Variants in STX6 observed in about 807,000 individuals in gnomAD.
STX6 encodes syntaxin 6.
In STX6, 23 loss-of-function variants were observed where a neutral mutation model predicts 38.0. The ratio of observed to expected loss-of-function variants is 0.60; its 90% CI spans 0.43 to 0.86. The LOEUF (loss-of-function observed/expected upper bound fraction) is 0.86. Ranked by LOEUF, STX6 falls within the 40% of genes least tolerant of loss-of-function variation. STX6 has a pLI of 0.00. For synonymous variants in STX6, 123 were observed against 107.5 expected, an observed-to-expected ratio of 1.14 and a Z score of -0.89; for missense variants, 274 against 312.9, an observed-to-expected ratio of 0.88 and a Z score of 0.94.
intron 1 of STX6, among the ~76,000 whole-genome samples, chr1:181,016,901 A>T (rs894645164): frequency 3.3e-5 from 5 of 151,624 alleles, no homozygotes; most frequent in African/African-American, 9.7e-5. Flanking sequence ...AGCCTGGTAA[A>T]CACAGTGAAA....
At position 181,005,319 on chromosome 1, in the gene STX6, A is replaced by G. The variant is rs887801220; in HGVS notation, c.180T>C (p.Asp60=). 1 of 1,614,060 alleles carries G rather than the reference A, an allele frequency of 6.2e-7. No homozygotes were observed. The highest frequency in any genetic ancestry group is 8.5e-7 in the Non-Finnish European group (1 of 1,179,952). The change falls in exon 2 of 8, where the codon GAT becomes GAC. Residue 60 remains aspartate (D), a synonymous_variant. Transcript: ENST00000258301. The part of the protein sequence containing the change: ...LRNNLRSIEW[D]LEDLDETISI... The stretch of plus-strand genomic sequence containing the variant: ...TGATGGTTTCATCAAGGTCCTCTAG[A>G]TCCCACTCTATGCTCCGGAGGTTAT...
chr1:180,982,921 T>C (rs1655456815), intron 7 of STX6, among the ~76,000 whole-genome samples: 1 of 152,212 alleles, frequency 6.6e-6, no homozygotes, highest in Non-Finnish European at 1.5e-5. Context: ...GAAACAAAGA[T>C]ACTTGTCCCT....
intron 1 of STX6, among the ~76,000 whole-genome samples, chr1:181,021,248 C>T (rs1001454167): frequency 2.6e-5 from 4 of 152,148 alleles, no homozygotes; most frequent in African/African-American, 9.7e-5. Flanking sequence ...TAAGAACTTT[C>T]AATCAAGGAA....
At chr1:181,000,838 ACGTCTAT>A (rs1656059289) in intron 3 of STX6, among the ~76,000 whole-genome samples, 1 of 151,258 alleles carries the variant, frequency 6.6e-6, no homozygotes, top group Admixed American at 6.6e-5. Context: ...TTAAATATTA[ACGTCTAT>A]AGGAGTATCC....
chr1:180,975,351 G>C lies in STX6; in HGVS notation c.*1219C>G, dbSNP rs1477326392. On this transcript the variant is annotated 3_prime_UTR_variant, in exon 8 of 8. Transcript: ENST00000258301. ...GTGCACATTTGAGGCATTTTAAAAA[G>C]TCATCAGAAGGTTAAAGTTTAGTGT... The C allele has an allele frequency of 6.6e-6, 1 of 152,372 alleles. No individual in the cohort carries two copies. The highest frequency in any genetic ancestry group is 1.5e-5 in the Non-Finnish European group (1 of 68,008). The allele number at this position is 152,372 out of a possible 1,614,324, so 9.4% of individuals were successfully genotyped here. A position where few individuals can be genotyped will look rare whatever the true frequency, so the allele number is the denominator to read the frequency against.
At chr1:180,997,025 A>G (rs192674769) in intron 3 of STX6, among the ~76,000 whole-genome samples, 1 of 152,380 alleles carries the variant, frequency 6.6e-6, no homozygotes, top group African/African-American at 2.4e-5. Flanking sequence ...TAAATAAATC[A>G]TAACAGAGCC....
intron 1 of STX6, among the ~76,000 whole-genome samples, chr1:181,018,590 A>G (rs1257554439): frequency 6.6e-6 from 1 of 151,892 alleles, no homozygotes; most frequent in Non-Finnish European, 1.5e-5. Flanking sequence ...AAATGATGAC[A>G]ATAATAATAC....
chr1:181,005,380 C>G lies in STX6; in HGVS notation c.119G>C (p.Arg40Thr). The change falls in exon 2 of 8, where the codon AGG becomes ACG. Residue 40 changes from arginine (R) to threonine (T), a missense_variant. Arg to Thr is a moderately conservative substitution (Grantham distance 71). Transcript: ENST00000258301. ...ELLQDPSTAT[R>T]EEIDWTTNEL... is the part of the protein sequence containing the mutation. ...GTTGGTGGTCCAGTCGATTTCTTCC[C>G]TTGTTGCTGTGGAGGGGTCCTGGAG... 6.2e-7 allele frequency: 1 copy of G among 1,614,082 alleles called. No individual in the cohort carries two copies. The highest frequency in any genetic ancestry group is 8.5e-7 in the Non-Finnish European group (1 of 1,179,986).
intron 7 of STX6, chr1:180,980,644 T>G (rs6680541): frequency 0.57 from 82,675 of 144,060 alleles, 23,443 homozygotes; most frequent in East Asian, 0.65. Context: ...AACCTCTGCC[T>G]CCTGGGTTCA....
intron 6 of STX6, among the ~76,000 whole-genome samples, chr1:180,986,300 C>A (rs1447492855): frequency 7.1e-6 from 1 of 141,270 alleles, no homozygotes; most frequent in East Asian, 2.1e-4. Flanking sequence ...GAAATTAATT[C>A]TGTTGTATTT....
chr1:180,981,270 G>T (rs769091231), intron 7 of STX6, among the ~76,000 whole-genome samples: 1 of 152,026 alleles, frequency 6.6e-6, no homozygotes, highest in Non-Finnish European at 1.5e-5. Flanking sequence ...TATGCATGGG[G>T]GAAGGGGGCT....
At chr1:180,995,593 C>A (rs1023386262) in intron 3 of STX6, among the ~76,000 whole-genome samples, 2 of 152,218 alleles carry the variant, frequency 1.3e-5, no homozygotes, top group Non-Finnish European at 2.9e-5. Flanking sequence ...CTATGGCTTG[C>A]GCCTATAGTC....
intron 1 of STX6, among the ~76,000 whole-genome samples, chr1:181,018,385 T>TC (rs1472984574): frequency 2.0e-5 from 1 of 50,572 alleles, no homozygotes; most frequent in Non-Finnish European, 3.4e-5. Context: ...TAAGACTCTG[T>TC]CCCAAAAAAA....
At position 181,005,309 on chromosome 1, in the gene STX6, G is replaced by C. The variant is rs2102322342; in HGVS notation, c.190C>G (p.Leu64Val). The C allele has an allele frequency of 1.2e-6, 2 of 1,613,750 alleles. No homozygotes were observed. Among genetic ancestry groups the C allele is most frequent in the Non-Finnish European group, 1.7e-6 (2 of 1,179,806 alleles). ...LRSIEWDLED[L>V]DETISIVEAN... ...AAAAGGATATTGATGGTTTCATCAA[G>C]GTCCTCTAGATCCCACTCTATGCTC... The change falls in exon 2 of 8, where the codon CTT becomes GTT. Residue 64 changes from leucine (L) to valine (V), a missense_variant. Leu to Val is a conservative substitution (Grantham distance 32). Transcript: ENST00000258301.
chr1:181,004,117 T>C (rs201466933), intron 2 of STX6, among the ~76,000 whole-genome samples: 1 of 152,160 alleles, frequency 6.6e-6, no homozygotes, highest in Admixed American at 6.5e-5. Context: ...AATAATCCTA[T>C]GAGCTAGGTA....
chr1:180,988,275 G>T lies in STX6; in HGVS notation c.560C>A (p.Ser187Tyr). ...CTCCAGCTCCCCTCCGATGCGCTGG[G>T]ACATGTTCTTCAGCACCCCGATGCT... Reference protein sequence around the residue: ...SGSIGVLKNMSQRIGGELEEQ... With the variant: ...SGSIGVLKNMYQRIGGELEEQ... Residue 187 changes from serine (S) to tyrosine (Y), a missense_variant, in exon 6 of 8, where the codon TCC (serine) becomes TAC (tyrosine). Coordinates refer to ENST00000258301, the MANE Select transcript of STX6 (RefSeq NM_005819.6). 6.2e-7 allele frequency: 1 copy of T among 1,613,986 alleles called. No homozygotes were observed. Among genetic ancestry groups the T allele is most frequent in the Non-Finnish European group, 8.5e-7 (1 of 1,179,946 alleles).
At chr1:181,004,106 C>A (rs1049409257) in intron 2 of STX6, among the ~76,000 whole-genome samples, 3 of 152,162 alleles carry the variant, frequency 2.0e-5, no homozygotes, top group Admixed American at 2.0e-4. Flanking sequence ...TGTATAATCC[C>A]AATAATCCTA....
chr1:180,984,063 C>CAAAAAAAAA lies in STX6; in HGVS notation c.691+605_691+613dup, dbSNP rs10625558. Among the ~76,000 whole-genome samples the CAAAAAAAAA allele has an allele frequency of 1.8e-3, 13 of 7,160 alleles. 2 individuals carry two copies. Among genetic ancestry groups the CAAAAAAAAA allele is most frequent in the Non-Finnish European group, 3.1e-3 (12 of 3,842 alleles). 4.7% of individuals were successfully genotyped at this position (7,160 alleles called of 152,430 possible). On this transcript the variant is annotated intron_variant, in intron 7 of 7. Coordinates refer to ENST00000258301, the MANE Select transcript of STX6 (RefSeq NM_005819.6). Reference sequence around the variant, plus strand: ...TGGGCAACAGAGTGAGGCTCCATCTCAAAAAAAAAAAAAAAAAAAAAAAAA... The same window carrying CAAAAAAAAA: ...TGGGCAACAGAGTGAGGCTCCATCTCAAAAAAAAAAAAAAAAAAAAAAAAAAAAAAAAAA...
In STX6 at chr1:180,984,695, C is replaced by T. The variant is rs367846742; in HGVS notation, c.673G>A (p.Val225Ile). 2.5e-5 allele frequency: 39 copies of T among 1,566,144 alleles called. No homozygotes were observed. Among genetic ancestry groups the T allele is most frequent in the Non-Finnish European group, 3.2e-5 (36 of 1,136,962 alleles). ...LDNVMKKLAK[V>I]SHMTSDRRQW... The stretch of plus-strand genomic sequence containing the variant: ...TACATACCACTGGTCATATGAGATA[C>T]TTTTGCAAGTTTCTTCATCACATTG... The change falls in exon 7 of 8, where the codon GTA becomes ATA. Residue 225 changes from valine to isoleucine, a missense_variant. Physicochemically the swap from Val to Ile is conservative, Grantham distance 29. Transcript: ENST00000258301.
Sources: gnomAD v4.1 joint callset for allele counts (sites outside exome capture counted in the v4.1 genomes callset) on GRCh38, gnomAD v4.1.1 for gene constraint, MANE v1.5 for transcripts, NCBI Gene and HGNC (gene_info 2026-07-23, HGNC 2026-07-21) for gene names.